The following RBM5 variants were observed in gnomAD, a reference collection of about 807,000 sequenced individuals.
The protein encoded by RBM5 is RNA binding motif protein 5.
Under a neutral mutation model 124.6 loss-of-function variants are expected in RBM5, and 15 were observed. That is an observed-to-expected ratio of 0.12 (90% CI 0.08 to 0.19). RBM5 has a LOEUF of 0.19. RBM5 is among the 10% of genes least tolerant of loss of function. RBM5 has a pLI of 1.00. For synonymous variants in RBM5, 337 were observed against 361.2 expected (o/e 0.93, Z 0.76); for missense variants, 580 against 1,026.5 (o/e 0.57, Z 5.94).
intron 14 of RBM5, among the ~76,000 whole-genome samples, chr3:50,109,008 A>G (rs1329556638): frequency 6.6e-6 from 1 of 152,228 alleles, no homozygotes; most frequent in Non-Finnish European, 1.5e-5. Flanking sequence ...TTCAGGCTTT[A>G]AAAAGCCTTG....
intron 6 of RBM5, 198 bp from the exon 7 acceptor site, chr3:50,102,885 T>C: frequency 1.8e-6 from 1 of 561,712 alleles, no homozygotes; most frequent in Non-Finnish European, 3.2e-6. Context: ...TGACTCCGTT[T>C]ACCTTTACTC....
chr3:50,092,760 A>T (rs1025553581), intron 3 of RBM5: 3 of 452,164 alleles, frequency 6.6e-6, no homozygotes, highest in African/African-American at 2.0e-5. Flanking sequence ...GATAAATATA[A>T]GTTGTTGGCC....
chr3:50,108,107 A>T lies in RBM5; in HGVS notation c.1079A>T (p.Tyr360Phe), dbSNP rs780479155. 6.2e-7 allele frequency: 1 copy of T among 1,611,778 alleles called. No individual in the cohort carries two copies. The highest frequency in any genetic ancestry group is 1.3e-5 in the African/African-American group (1 of 74,870). ...SGEGGSVDYS[Y>F]LQPGQDGYAQ... ...GAAGGAGGCAGTGTTGACTACAGTT[A>T]TCTGCAACCAGGTCAAGATGGCTAT... The change falls in exon 13 of 25, where the codon TAT (tyrosine) becomes TTT (phenylalanine). Residue 360 changes from tyrosine to phenylalanine, a missense_variant. Physicochemically the swap from Tyr to Phe is conservative, Grantham distance 22. Transcript: ENST00000347869.
Position 50,115,499 on chromosome 3 carries a change from G to T in RBM5, c.1911G>T (p.Glu637Asp). Residue 637 changes from glutamate (E) to aspartate (D), a missense_variant, in exon 21 of 25, where the codon GAG becomes GAT. Glu to Asp is a conservative substitution (Grantham distance 45). Coordinates refer to ENST00000347869, the MANE Select transcript of RBM5 (RefSeq NM_005778.4). Reference protein sequence around the residue: ...EEELVERLESEEEKLADWKKM... With the variant: ...EEELVERLESDEEKLADWKKM... ...AGCTGGTGGAGAGACTTGAGAGTGA[G>T]GAAGAGAAGCTAGCTGACTGGAAGA... 6.2e-7 allele frequency: 1 copy of T among 1,614,118 alleles called. No individual in the cohort carries two copies. Among genetic ancestry groups the T allele is most frequent in the Non-Finnish European group, 8.5e-7 (1 of 1,180,030 alleles).
chr3:50,118,505 T>G lies in RBM5; in HGVS notation c.*49T>G. 3.8e-6 allele frequency: 6 copies of G among 1,589,210 alleles called. 1 individual carries two copies. The highest frequency in any genetic ancestry group is 2.3e-5 in the South Asian group (2 of 88,510). ...CAAGGAGCACAAGAAGTGGTCCATC[T>G]CCCGAATTCGCTGTTACCGCCTGTC... On this transcript the variant is annotated 3_prime_UTR_variant, in exon 25 of 25. Coordinates refer to ENST00000347869, the MANE Select transcript of RBM5 (RefSeq NM_005778.4).
chr3:50,095,757 A>G (rs1356208944), intron 4 of RBM5, among the ~76,000 whole-genome samples: 1 of 152,008 alleles, frequency 6.6e-6, no homozygotes, highest in African/African-American at 2.4e-5. Context: ...CTCTACCACA[A>G]GATCTCTGAA....
chr3:50,107,771 C>G (rs1278677477), intron 12 of RBM5, among the ~76,000 whole-genome samples: 2 of 143,950 alleles, frequency 1.4e-5, no homozygotes, highest in South Asian at 2.2e-4. Flanking sequence ...ACTGCAAGCT[C>G]CACCTTCCAG....
chr3:50,114,125 C>G, intron 19 of RBM5, 26 bp downstream of exon 19: 1 of 1,614,146 alleles, frequency 6.2e-7, no homozygotes, highest in Non-Finnish European at 8.5e-7. Flanking sequence ...GCCAGTATGT[C>G]ATGATGGGAA....
chr3:50,115,647 G>A (rs2091233624), intron 21 of RBM5, 40 bp downstream of exon 21: 1 of 1,567,864 alleles, frequency 6.4e-7, no homozygotes, highest in Non-Finnish European at 8.6e-7. Flanking sequence ...GGCGAGGGGA[G>A]GCAGTGAGAC....
chr3:50,107,414 G>T, intron 11 of RBM5, 68 bp from the exon 12 acceptor site: 6 of 1,235,040 alleles, frequency 4.9e-6, no homozygotes, highest in Non-Finnish European at 7.2e-6. Context: ...GAATCAGTTG[G>T]TGGTATAGGG....
In RBM5 at chr3:50,117,013, A is replaced by AT. The variant is rs1559699745; in HGVS notation, c.2095-59dup. 1 of 1,475,462 alleles carries AT rather than the reference A, an allele frequency of 6.8e-7. No individual in the cohort carries two copies. Among genetic ancestry groups the AT allele is most frequent in the Non-Finnish European group, 9.5e-7 (1 of 1,055,210 alleles). The allele number at this position is 1,475,462 out of a possible 1,614,324, so 91.4% of individuals were successfully genotyped here. ...TGAGGGGATAGTTTTGAATAGGTGC[A>AT]TTAGACGGTTACAGGTTGAAGTCTG... is the stretch of plus-strand genomic sequence containing the variant. On this transcript the variant is annotated intron_variant, in intron 22 of 24. Coordinates refer to ENST00000347869, the MANE Select transcript of RBM5 (RefSeq NM_005778.4). The surrounding 1 kb of genome is among the most constrained non-coding windows in gnomAD (Gnocchi z 4.2).
intron 10 of RBM5, 63 bp from the exon 11 acceptor site, chr3:50,106,704 G>C: frequency 8.5e-7 from 1 of 1,171,276 alleles, no homozygotes; most frequent in East Asian, 2.3e-5. Flanking sequence ...TTTGAATGGG[G>C]TGGATGGTAG....
chr3:50,102,477 AT>A (rs1299211948), intron 6 of RBM5: 1 of 152,136 alleles, frequency 6.6e-6, no homozygotes, highest in East Asian at 1.9e-4. Context: ...GAAAAAAAAA[AT>A]CTCATTTAGT....
rs370954464 is a variant in RBM5 at position 50,118,649 on chromosome 3, T to G, written c.*193T>G. Reference sequence around the variant, plus strand: ...ATGTGGGTTGCCTGGTGAATGGCCTTCCTTCCCGCCAGAGGGCTTGTGAAC... The same window carrying G: ...ATGTGGGTTGCCTGGTGAATGGCCTGCCTTCCCGCCAGAGGGCTTGTGAAC... On this transcript the variant is annotated 3_prime_UTR_variant, in exon 25 of 25. Transcript: ENST00000347869. The G allele has an allele frequency of 4.9e-6, 4 of 816,044 alleles. No homozygotes were observed. The South Asian group carries it at 5.4e-5, about 11-fold the overall frequency. The allele number at this position is 816,044 out of a possible 1,614,324, so 50.6% of individuals were successfully genotyped here.
rs1345571970 is a variant in RBM5 at position 50,105,566 on chromosome 3, A to G, written c.712A>G (p.Ile238Val). Reference sequence around the variant, plus strand: ...ACCCCTAGCGATCATTCTTCGGAACATAGCTCCGCACACTGTGGTGGATTC... The same window carrying G: ...ACCCCTAGCGATCATTCTTCGGAACGTAGCTCCGCACACTGTGGTGGATTC... ...YYCDTIILRN[I>V]APHTVVDSIM... Residue 238 changes from isoleucine to valine, a missense_variant, in exon 10 of 25, where the codon ATA (isoleucine) becomes GTA (valine). By Grantham distance (29) the Ile-to-Val change is conservative. Around this residue, in one of 6 missense-constraint regions of RBM5, gnomAD observed 101 missense variants for 223.2 expected, o/e 0.45. Transcript: ENST00000347869. 1.2e-6 allele frequency: 2 copies of G among 1,613,926 alleles called. No homozygotes were observed.
intron 4 of RBM5, among the ~76,000 whole-genome samples, chr3:50,097,123 C>T (rs760172686): frequency 1.3e-5 from 2 of 152,198 alleles, no homozygotes; most frequent in South Asian, 2.1e-4. Flanking sequence ...TGGCCAGGTG[C>T]GGTGGCTCAC....
In RBM5 at chr3:50,113,499, G is replaced by A. The variant is rs1575334861; in HGVS notation, c.1572G>A (p.Glu524=). Residue 524 remains glutamate, a synonymous_variant, in exon 18 of 25, where the codon GAG becomes GAA. Coordinates refer to ENST00000347869, the MANE Select transcript of RBM5 (RefSeq NM_005778.4). ...AGTCGGGCCTGCCTCCTGCAAAAGA[G>A]GGGAAAGAGAAGAAGGAGAAACCCA... ...HQQSGLPPAK[E]GKEKKEKPKS... 6.2e-7 allele frequency: 1 copy of A among 1,613,962 alleles called. No individual in the cohort carries two copies. The highest frequency in any genetic ancestry group is 8.5e-7 in the Non-Finnish European group (1 of 1,180,016).
intron 12 of RBM5, among the ~76,000 whole-genome samples, chr3:50,107,820 G>A (rs1380454288): frequency 6.6e-6 from 1 of 151,166 alleles, no homozygotes; most frequent in Non-Finnish European, 1.5e-5. Flanking sequence ...TTGAGTAGCT[G>A]GGATTACAGG....
intron 10 of RBM5, among the ~76,000 whole-genome samples, chr3:50,106,342 G>A (rs2091031368): frequency 6.6e-6 from 1 of 151,740 alleles, no homozygotes; most frequent in Admixed American, 6.6e-5. Context: ...GGGTTTCACT[G>A]TGTTAGCCAG....
Sources: allele counts gnomAD v4.1 joint callset (sites outside exome capture counted in the v4.1 genomes callset), GRCh38; gene constraint gnomAD v4.1.1; regional missense constraint gnomAD v4.1.1; non-coding constraint Gnocchi (gnomAD v3.1); transcripts MANE v1.5; gene names NCBI Gene and HGNC (gene_info 2026-07-23, HGNC 2026-07-21).